The following POU2F1 variants were observed in gnomAD, a reference collection of about 807,000 sequenced individuals.
POU2F1 encodes the protein POU domain, class 2, transcription factor 1.
POU2F1 carries 16 observed loss-of-function variants against 84.9 expected under a neutral mutation model. The ratio of observed to expected loss-of-function variants is 0.19; its 90% CI spans 0.13 to 0.29. The LOEUF (loss-of-function observed/expected upper bound fraction) is 0.29. Ranked by LOEUF, POU2F1 falls within the 10% of genes least tolerant of loss-of-function variation. The pLI, the probability that POU2F1 is intolerant of heterozygous loss-of-function variation, is 1.00. For missense variants in POU2F1, 738 were observed against 942.6 expected (o/e 0.78, Z 2.84); for synonymous variants, 368 against 368.3 (o/e 1.00, Z 0.01).
chr1:167,362,862 C>G (rs1379487136), intron 2 of POU2F1, among the ~76,000 whole-genome samples: 8 of 152,066 alleles, frequency 5.3e-5, no homozygotes, highest in African/African-American at 1.9e-4. Flanking sequence ...AAGTATAGCT[C>G]TAGATTGGTT....
At chr1:167,407,156 C>T (rs927971346) in intron 13 of POU2F1, among the ~76,000 whole-genome samples, 6 of 151,984 alleles carry the variant, frequency 3.9e-5, no homozygotes, top group Non-Finnish European at 4.4e-5. Context: ...TCAGCCTCCC[C>T]GGTAGCTGGG....
intron 8 of POU2F1, among the ~76,000 whole-genome samples, chr1:167,385,489 G>A (rs1647903815): frequency 6.6e-6 from 1 of 151,980 alleles, no homozygotes; most frequent in Non-Finnish European, 1.5e-5. Context: ...CAGTGGAACA[G>A]AATAGAAGGT....
intron 1 of POU2F1, among the ~76,000 whole-genome samples, chr1:167,253,637 G>A (rs1650908965): frequency 6.6e-6 from 1 of 152,064 alleles, no homozygotes; most frequent in Non-Finnish European, 1.5e-5. Flanking sequence ...ATGTTGCCCA[G>A]GCTGGTCTCA....
intron 10 of POU2F1, 104 bp from the exon 11 acceptor site, chr1:167,397,890 T>G: frequency 1.6e-6 from 2 of 1,225,268 alleles, no homozygotes; most frequent in Non-Finnish European, 2.3e-6. Context: ...CTTTTCATAC[T>G]TGGATGTAGC....
rs566151800 is a variant in POU2F1, at chr1:167,417,732, G to A, written c.*1922G>A. On this transcript the variant is annotated 3_prime_UTR_variant, in exon 16 of 16. Coordinates refer to ENST00000367866, the MANE Select transcript of POU2F1 (RefSeq NM_002697.4). ...GGTGATTTTTATTCTGATTGCTTTT[G>A]TTTGTGTCCACAAGGGAGCTTGGAT... The A allele has an allele frequency of 2.0e-4, 31 of 152,202 alleles. No individual in the cohort carries two copies. Among genetic ancestry groups the A allele is most frequent in the African/African-American group, 6.5e-4 (27 of 41,532 alleles). 9.4% of individuals were successfully genotyped at this position (152,202 alleles called of 1,614,324 possible).
At chr1:167,388,269 C>A (rs1428520590) in intron 8 of POU2F1, among the ~76,000 whole-genome samples, 1 of 152,166 alleles carries the variant, frequency 6.6e-6, no homozygotes, top group Non-Finnish European at 1.5e-5. Context: ...CAAATTAAAG[C>A]AGCAGGGAAC....
At chr1:167,387,165 A>G (rs773446280) in intron 8 of POU2F1, 1 of 455,644 alleles carries the variant, frequency 2.2e-6, no homozygotes, top group South Asian at 1.5e-5. Flanking sequence ...ACTGAATTCT[A>G]CTCTGCCATT....
chr1:167,422,523 G>A lies in POU2F1; in HGVS notation c.*6713G>A, dbSNP rs1284362046. On this transcript the variant is annotated 3_prime_UTR_variant, in exon 16 of 16. Transcript: ENST00000367866. ...GCCCACCTCACCCCTGTGATACAAA[G>A]TGTGAACCTTAAGGATTAGTTGGTG... 1 of 152,158 alleles carries A rather than the reference G, an allele frequency of 6.6e-6. No homozygotes were observed. The highest frequency in any genetic ancestry group is 6.5e-5 in the Admixed American group (1 of 15,282). 9.4% of individuals were successfully genotyped at this position (152,158 alleles called of 1,614,324 possible).
chr1:167,366,061 C>A (rs1259561974), intron 3 of POU2F1, among the ~76,000 whole-genome samples: 1 of 152,150 alleles, frequency 6.6e-6, no homozygotes, highest in African/African-American at 2.4e-5. Flanking sequence ...TCTGCCTCAA[C>A]TTTATTACCC....
At position 167,419,497 on chromosome 1, in the gene POU2F1, C is replaced by G. The variant is rs1650513845; in HGVS notation, c.*3687C>G. On this transcript the variant is annotated 3_prime_UTR_variant, in exon 16 of 16. Transcript: ENST00000367866. ...GTAATTGTGTGAATCCTGCTTATCACAAGTGGTGCAATTTGGTCATAAACT... is the reference window on the plus strand; with the variant it reads ...GTAATTGTGTGAATCCTGCTTATCAGAAGTGGTGCAATTTGGTCATAAACT... 6.6e-6 allele frequency: 1 copy of G among 152,190 alleles called. No homozygotes were observed. The highest frequency in any genetic ancestry group is 1.5e-5 in the Non-Finnish European group (1 of 68,028). 9.4% of individuals were successfully genotyped at this position (152,190 alleles called of 1,614,324 possible). A position where few individuals can be genotyped will look rare whatever the true frequency, so the allele number is the denominator to read the frequency against.
At chr1:167,257,150 G>T (rs918541556) in intron 1 of POU2F1, among the ~76,000 whole-genome samples, 6 of 152,202 alleles carry the variant, frequency 3.9e-5, no homozygotes, top group African/African-American at 1.4e-4. Context: ...TACAAGAATA[G>T]GTAGTGGTGA....
At position 167,381,603 on chromosome 1, in the gene POU2F1, CTTTTTTTTT is replaced by C. The variant is rs147770215; in HGVS notation, c.719-2237_719-2229del. On this transcript the variant is annotated intron_variant, in intron 7 of 15. Transcript: ENST00000367866. The stretch of plus-strand genomic sequence containing the variant: ...ATTTCTGACCTTTGTGCTCTCTTCT[CTTTTTTTTT>C]TTTTTTTTTTTTTTTTGAGACAGAG... Among the ~76,000 whole-genome samples, 28 of 66,012 alleles carry C rather than the reference CTTTTTTTTT, an allele frequency of 4.2e-4. 1 individual carries two copies. The South Asian group carries it at 0.016, about 37-fold the overall frequency. 43.3% of individuals were successfully genotyped at this position (66,012 alleles called of 152,430 possible).
At chr1:167,231,549 A>C (rs1393125220) in intron 1 of POU2F1, among the ~76,000 whole-genome samples, 10 of 152,234 alleles carry the variant, frequency 6.6e-5, no homozygotes. Context: ...CAATATGGCC[A>C]GTCTTTCTGC....
At position 167,371,909 on chromosome 1, in the gene POU2F1, C is replaced by T. The variant is rs760596024; in HGVS notation, c.283-8C>T. ...GCAATCTTTTATTTCCTACCCACCC[C>T]ACCTCAGTCTAAATCTAATGAAGAA... On this transcript the variant is annotated splice_region_variant and splice_polypyrimidine_tract_variant and intron_variant, in intron 4 of 15. Transcript: ENST00000367866. 6.8e-6 allele frequency: 11 copies of T among 1,614,012 alleles called. No individual in the cohort carries two copies. The South Asian group carries it at 1.2e-4, about 18-fold the overall frequency.
chr1:167,385,895 T>C (rs1647938340), intron 8 of POU2F1, among the ~76,000 whole-genome samples: 1 of 152,146 alleles, frequency 6.6e-6, no homozygotes, highest in Non-Finnish European at 1.5e-5. Flanking sequence ...AAAGAACTCA[T>C]TCAAGTTAAT....
At chr1:167,399,797 C>G (rs1361885683) in intron 12 of POU2F1, among the ~76,000 whole-genome samples, 1 of 151,088 alleles carries the variant, frequency 6.6e-6, no homozygotes, top group Admixed American at 6.6e-5. Context: ...CCTTGGCCTC[C>G]CGAGTAGCTG....
At chr1:167,387,759 T>G (rs1648089923) in intron 8 of POU2F1, among the ~76,000 whole-genome samples, 1 of 152,204 alleles carries the variant, frequency 6.6e-6, no homozygotes, top group Non-Finnish European at 1.5e-5. Context: ...ACTAGTGAGG[T>G]GTGTTCCACT....
At chr1:167,338,052 C>T in intron 2 of POU2F1, 2 of 441,036 alleles carry the variant, frequency 4.5e-6, no homozygotes, top group Non-Finnish European at 9.0e-6. Flanking sequence ...CATTTTTAGA[C>T]AAATGAAAAA....
intron 2 of POU2F1, among the ~76,000 whole-genome samples, chr1:167,343,622 C>T (rs1019155274): frequency 2.9e-5 from 4 of 135,958 alleles, no homozygotes; most frequent in African/African-American, 8.2e-5. Flanking sequence ...GCAATAGAAG[C>T]CAGGGGTCAA....
Sources: gnomAD v4.1 joint callset for allele counts (sites outside exome capture counted in the v4.1 genomes callset) on GRCh38, gnomAD v4.1.1 for gene constraint, MANE v1.5 for transcripts, NCBI Gene and HGNC (gene_info 2026-07-23, HGNC 2026-07-21) for gene names.